CENPP: variants seen among roughly 807,000 people sequenced by gnomAD.
CENPP encodes centromere protein P.
Under a neutral mutation model 35.6 loss-of-function variants are expected in CENPP, and 24 were observed. That is an observed-to-expected ratio of 0.67 (90% CI 0.49 to 0.95). The LOEUF is 0.95. CENPP is among the 40% of genes least tolerant of loss of function. The pLI is 0.00. For missense variants in CENPP, 332 were observed against 345.3 expected (o/e 0.96, Z 0.31); for synonymous variants, 120 against 125.5 (o/e 0.96, Z 0.29).
At chr9:92,531,082 A>T (rs1016762112) in intron 5 of CENPP, among the ~76,000 whole-genome samples, 2 of 152,006 alleles carry the variant, frequency 1.3e-5, no homozygotes, top group South Asian at 4.2e-4. Context: ...CAGTTTAACA[A>T]TTTTTGTCTT....
chr9:92,525,246 A>G (rs1848318744), intron 5 of CENPP, among the ~76,000 whole-genome samples: 2 of 152,050 alleles, frequency 1.3e-5, no homozygotes, highest in African/African-American at 4.8e-5. Flanking sequence ...TGAGCCCAGA[A>G]GTTCAAGGTT....
At chr9:92,559,509 CAGAG>C (rs1301478200) in intron 5 of CENPP, among the ~76,000 whole-genome samples, 1 of 152,172 alleles carries the variant, frequency 6.6e-6, no homozygotes, top group Non-Finnish European at 1.5e-5. Context: ...CCATTTCCCT[CAGAG>C]GGTCTGTGGG....
intron 5 of CENPP, among the ~76,000 whole-genome samples, chr9:92,419,139 A>T (rs1843708186): frequency 6.6e-6 from 1 of 152,126 alleles, no homozygotes; most frequent in Non-Finnish European, 1.5e-5. Context: ...TGAAACTTGA[A>T]GTTCTAGGGA....
intron 5 of CENPP, among the ~76,000 whole-genome samples, chr9:92,544,808 C>T (rs1372092475): frequency 6.7e-6 from 1 of 150,348 alleles, no homozygotes. Context: ...CTCCGCCTCT[C>T]GGGTTCAAGC....
In CENPP at chr9:92,542,610, G is replaced by A. The variant is rs181384909; in HGVS notation, c.565-68704G>A. Among the ~76,000 whole-genome samples, 681 of 151,742 alleles carry A rather than the reference G, an allele frequency of 4.5e-3. 3 individuals are homozygous for A. The highest frequency in any genetic ancestry group is 6.8e-3 in the Middle Eastern group (2 of 292). ...TGGCTCACTGCAATCTCTGCCTCCC[G>A]GGTTCAAGTAATTCCCCTGCCTCAG... On this transcript the variant is annotated intron_variant, in intron 5 of 7. Coordinates refer to ENST00000375587, the MANE Select transcript of CENPP (RefSeq NM_001012267.3).
At chr9:92,499,794 C>T (rs1240025340) in intron 5 of CENPP, among the ~76,000 whole-genome samples, 1 of 152,190 alleles carries the variant, frequency 6.6e-6, no homozygotes, top group African/African-American at 2.4e-5. Flanking sequence ...AGGGGAAAGA[C>T]TAAGAGGCAT....
intron 5 of CENPP, among the ~76,000 whole-genome samples, chr9:92,464,366 C>A (rs926069161): frequency 5.6e-4 from 85 of 152,182 alleles, no homozygotes; most frequent in Non-Finnish European, 1.5e-5. Flanking sequence ...CACAGGTGGT[C>A]ACTTCCTACG....
rs142414033 is a variant in CENPP at position 92,350,154 on chromosome 9, T to C, written c.467+4367T>C. 7.2e-4 allele frequency among the ~76,000 whole-genome samples: 109 copies of C among 152,370 alleles called. 1 individual carries two copies. In the East Asian group the frequency reaches 0.013, roughly 17 times the overall value. On this transcript the variant is annotated intron_variant, in intron 4 of 7. Coordinates refer to ENST00000375587, the MANE Select transcript of CENPP (RefSeq NM_001012267.3). Reference sequence around the variant, plus strand: ...GGAATCTTTATCCTAAATTTCTCTTTGTGTTCGCTTTATACTTGAGAAGGA... The same window carrying C: ...GGAATCTTTATCCTAAATTTCTCTTCGTGTTCGCTTTATACTTGAGAAGGA...
chr9:92,574,586 A>G (rs1196212058), intron 5 of CENPP, among the ~76,000 whole-genome samples: 1 of 152,248 alleles, frequency 6.6e-6, no homozygotes, highest in African/African-American at 2.4e-5. Flanking sequence ...GACATAAATC[A>G]GTGGAAACAC....
chr9:92,592,168 C>A (rs1332085543), intron 5 of CENPP, among the ~76,000 whole-genome samples: 1 of 151,854 alleles, frequency 6.6e-6, no homozygotes, highest in African/African-American at 2.4e-5. Context: ...ATACATTTAT[C>A]ATGGATATAT....
chr9:92,493,839 T>G, intron 5 of CENPP: 1 of 290,884 alleles, frequency 3.4e-6, no homozygotes. Flanking sequence ...GTCATTCTGA[T>G]TTTCATTTTT....
At chr9:92,507,988 T>G (rs1257345323) in intron 5 of CENPP, among the ~76,000 whole-genome samples, 1 of 152,180 alleles carries the variant, frequency 6.6e-6, no homozygotes, top group African/African-American at 2.4e-5. Context: ...TGCATCTTTG[T>G]GCTGTTTTCT....
intron 5 of CENPP, among the ~76,000 whole-genome samples, chr9:92,546,961 C>T (rs7036459): frequency 0.26 from 39,601 of 152,018 alleles, 7,544 homozygotes; most frequent in African/African-American, 0.53. Context: ...AACTATATTA[C>T]AAACTGACAG....
intron 4 of CENPP, among the ~76,000 whole-genome samples, chr9:92,372,906 G>A (rs902439874): frequency 6.6e-6 from 1 of 151,654 alleles, no homozygotes; most frequent in African/African-American, 2.4e-5. Context: ...CAGTCTGATT[G>A]TAATGTGCTG....
chr9:92,477,616 T>C (rs575336546), intron 5 of CENPP, among the ~76,000 whole-genome samples: 3 of 152,162 alleles, frequency 2.0e-5, no homozygotes, highest in Non-Finnish European at 2.9e-5. Flanking sequence ...AGTTATTCAG[T>C]GGGCATTTAC....
chr9:92,523,416 G>A (rs190497492), intron 5 of CENPP, among the ~76,000 whole-genome samples: 1 of 152,292 alleles, frequency 6.6e-6, no homozygotes, highest in African/African-American at 2.4e-5. Flanking sequence ...TTGGGGACCA[G>A]CCTCAACACC....
chr9:92,500,068 G>GCTT (rs1331029255), intron 5 of CENPP, among the ~76,000 whole-genome samples: 3 of 152,172 alleles, frequency 2.0e-5, no homozygotes, highest in African/African-American at 7.2e-5. Context: ...TACGTTTTAT[G>GCTT]CTTTATAGAT....
chr9:92,567,395 TAG>T (rs1554688308), intron 5 of CENPP, among the ~76,000 whole-genome samples: 2 of 106,764 alleles, frequency 1.9e-5, no homozygotes, highest in South Asian at 2.4e-4. Context: ...TATATATATA[TAG>T]ATATATATAT....
intron 5 of CENPP, chr9:92,389,812 T>C: frequency 7.6e-7 from 1 of 1,313,734 alleles, no homozygotes; most frequent in Non-Finnish European, 1.1e-6. Context: ...ATCTATCATA[T>C]CATCACTCAT....
Sources: gnomAD v4.1 joint callset for allele counts (sites outside exome capture counted in the v4.1 genomes callset) on GRCh38, gnomAD v4.1.1 for gene constraint, MANE v1.5 for transcripts, NCBI Gene and HGNC (gene_info 2026-07-23, HGNC 2026-07-21) for gene names.